The following KIF15 variants were observed in gnomAD, a reference collection of about 807,000 sequenced individuals.
The protein encoded by KIF15 is kinesin family member 15, also known as kinesin-like protein KIF15.
A neutral mutation model predicts 190.6 loss-of-function variants in KIF15; 140 were observed. The ratio of observed to expected loss-of-function variants is 0.73; its 90% CI spans 0.64 to 0.84. The LOEUF is 0.84. KIF15 is among the 40% of genes least tolerant of loss of function. The probability of loss-of-function intolerance (pLI) is 0.00; values close to 1 mark genes in which losing one functional copy is unlikely to be tolerated. For missense variants in KIF15, 1,372 were observed against 1,584.4 expected (o/e 0.87, Z 2.28); for synonymous variants, 528 against 551.3 (o/e 0.96, Z 0.59).
chr3:44,782,028 T>C (rs938640231), intron 5 of KIF15, among the ~76,000 whole-genome samples: 11 of 152,146 alleles, frequency 7.2e-5, no homozygotes, highest in African/African-American at 2.7e-4. Flanking sequence ...TTTACATGGC[T>C]GAATTTGTTT....
At chr3:44,813,788 G>C (rs189276464) in intron 19 of KIF15, among the ~76,000 whole-genome samples, 32 of 152,054 alleles carry the variant, frequency 2.1e-4, no homozygotes, top group Non-Finnish European at 1.5e-5. Flanking sequence ...CACCAAGCCC[G>C]GCTAATTTTA....
intron 31 of KIF15, 82 bp from the exon 32 acceptor site, chr3:44,848,439 T>G: frequency 1.5e-6 from 1 of 667,212 alleles, no homozygotes; most frequent in South Asian, 1.8e-5. Flanking sequence ...GAGAATGGGC[T>G]GGTTCCTTTC....
At chr3:44,864,300 C>T in intron 6 of KIF15, 1 of 1,614,190 alleles carries the variant, frequency 6.2e-7, no homozygotes, top group Non-Finnish European at 8.5e-7. Context: ...ATGTCTTCAG[C>T]CATTGCATCT....
chr3:44,805,243 T>C lies in KIF15; in HGVS notation c.1829+75T>C, dbSNP rs536873650. 1.2e-5 allele frequency: 16 copies of C among 1,377,112 alleles called. No homozygotes were observed. The African/African-American group carries it at 2.0e-4, about 18-fold the overall frequency. 85.3% of individuals were successfully genotyped at this position (1,377,112 alleles called of 1,614,324 possible). On this transcript the variant is annotated intron_variant, in intron 15 of 34. Coordinates refer to ENST00000326047, the MANE Select transcript of KIF15 (RefSeq NM_020242.3). The stretch of plus-strand genomic sequence containing the variant: ...TTTGCTGTAGTGTTAATATCGATAA[T>C]TCAATTGGGCATTTTACTTTAAATA...
intron 19 of KIF15, among the ~76,000 whole-genome samples, chr3:44,814,306 TTTTG>T (rs758245515): frequency 1.3e-4 from 19 of 151,494 alleles, no homozygotes; most frequent in African/African-American, 3.9e-4. Context: ...ATATTAAGAG[TTTTG>T]TTTGTTTGTT....
intron 24 of KIF15, among the ~76,000 whole-genome samples, chr3:44,829,281 C>T (rs1421701471): frequency 3.3e-5 from 5 of 149,448 alleles, no homozygotes; most frequent in African/African-American, 1.2e-4. Context: ...GGCGTGAACC[C>T]GGGAGGCGGA....
At chr3:44,822,374 C>T (rs1575648269) in intron 20 of KIF15, among the ~76,000 whole-genome samples, 1 of 152,226 alleles carries the variant, frequency 6.6e-6, no homozygotes. Flanking sequence ...GAGAGATCCG[C>T]TGTTAGTCTG....
chr3:44,839,265 G>T (rs1246334089), intron 27 of KIF15, among the ~76,000 whole-genome samples: 1 of 151,896 alleles, frequency 6.6e-6, no homozygotes, highest in African/African-American at 2.4e-5. Flanking sequence ...CCAGCTACTC[G>T]GGAAGGCTGA....
intron 8 of KIF15, among the ~76,000 whole-genome samples, chr3:44,795,057 A>G (rs946074293): frequency 2.0e-5 from 3 of 152,172 alleles, no homozygotes; most frequent in African/African-American, 7.2e-5. Flanking sequence ...GTTCCTATTG[A>G]AAAGGAACAG....
intron 6 of KIF15, chr3:44,861,721 T>C: frequency 1.9e-6 from 1 of 535,536 alleles, no homozygotes; most frequent in Non-Finnish European, 3.2e-6. Flanking sequence ...AGCACAAACC[T>C]ACTACAGGTT....
At position 44,800,436 on chromosome 3, in the gene KIF15, AG is replaced by A; in HGVS notation, c.1222+1del. ...CACCACCAGAAAGCTTCCTGACCAG[AG>A]GTAGGATGAGCACACAGTCCTTTAT... is the stretch of plus-strand genomic sequence containing the variant. ...QTPPESFLTR[D>X]KKKTNYMEYF... On this transcript the variant is annotated frameshift_variant and splice_region_variant, in exon 11 of 35. Coordinates refer to ENST00000326047, the MANE Select transcript of KIF15 (RefSeq NM_020242.3). LOFTEE classifies it high-confidence loss of function. The A allele has an allele frequency of 6.2e-7, 1 of 1,613,658 alleles. No homozygotes were observed. Among genetic ancestry groups the A allele is most frequent in the Non-Finnish European group, 8.5e-7 (1 of 1,179,858 alleles).
At position 44,789,345 on chromosome 3, in the gene KIF15, A is replaced by G. The variant is rs534499702; in HGVS notation, c.639+2771A>G. ...ACTTAGAAATGTGATTTTAAATTCC[A>G]AAGCGTGTGAGGATTTCTAACTTAT... On this transcript the variant is annotated intron_variant, in intron 7 of 34. Transcript: ENST00000326047. Among the ~76,000 whole-genome samples the G allele has an allele frequency of 1.1e-4, 17 of 152,098 alleles. No individual in the cohort carries two copies. In the East Asian group the frequency reaches 2.7e-3, roughly 24 times the overall value.
intron 20 of KIF15, among the ~76,000 whole-genome samples, chr3:44,815,896 G>A (rs1708011469): frequency 6.6e-6 from 1 of 152,196 alleles, no homozygotes; most frequent in Non-Finnish European, 1.5e-5. Context: ...CTAGTAGGCA[G>A]CCTTGAGTTT....
At chr3:44,790,282 A>T (rs1010286613) in intron 7 of KIF15, among the ~76,000 whole-genome samples, 8 of 151,832 alleles carry the variant, frequency 5.3e-5, no homozygotes, top group Non-Finnish European at 5.9e-5. Flanking sequence ...GGTTCAAACG[A>T]TTCTTGTGCC....
Position 44,826,019 on chromosome 3 carries a change from A to G in KIF15, c.2550-20A>G, listed in dbSNP as rs770337401. ...CATTAAATGTTTATTTACCATTTTT[A>G]AAATGTTTTCCTTATAAAGGTTAGA... is the stretch of plus-strand genomic sequence containing the variant. On this transcript the variant is annotated intron_variant, in intron 20 of 34. Coordinates refer to ENST00000326047, the MANE Select transcript of KIF15 (RefSeq NM_020242.3). 1.9e-6 allele frequency: 3 copies of G among 1,564,312 alleles called. No homozygotes were observed. The African/African-American group carries it at 4.2e-5, about 22-fold the overall frequency.
chr3:44,829,572 T>TTATATATGTATATATG (rs1159765644), intron 24 of KIF15, among the ~76,000 whole-genome samples: 1 of 112,070 alleles, frequency 8.9e-6, no homozygotes, highest in Non-Finnish European at 1.6e-5. Flanking sequence ...TATGTATATA[T>TTATATATGTATATATG]TATATATGTA....
rs771713771 is a variant in KIF15 at position 44,826,053 on chromosome 3, A to G, written c.2564A>G (p.Lys855Arg). The change falls in exon 21 of 35, where the codon AAG (lysine) becomes AGG (arginine). Residue 855 changes from lysine to arginine, a missense_variant. Transcript: ENST00000326047. ...QLDNLRLENE[K>R]LLESKACLQD... Reference sequence around the variant, plus strand: ...TCCTTATAAAGGTTAGAAAACGAAAAGCTGCTTGAGAGCAAAGCCTGCCTA... The same window carrying G: ...TCCTTATAAAGGTTAGAAAACGAAAGGCTGCTTGAGAGCAAAGCCTGCCTA... 33 of 1,582,636 alleles carry G rather than the reference A, an allele frequency of 2.1e-5. No individual in the cohort carries two copies. The highest frequency in any genetic ancestry group is 1.0e-4 in the Admixed American group (5 of 48,560).
chr3:44,830,727 T>G (rs1236312869), intron 25 of KIF15, among the ~76,000 whole-genome samples, 169 bp from the exon 26 acceptor site: 1 of 152,172 alleles, frequency 6.6e-6, no homozygotes, highest in African/African-American at 2.4e-5. Flanking sequence ...CTTTTCCATT[T>G]CTCTTCACCA....
intron 6 of KIF15, 105 bp from the exon 7 acceptor site, chr3:44,786,290 C>G: frequency 1.2e-6 from 1 of 846,628 alleles, no homozygotes; most frequent in Non-Finnish European, 1.8e-6. Flanking sequence ...AGGATAATAG[C>G]ATAGGAAATT....
Sources: allele counts gnomAD v4.1 joint callset (sites outside exome capture counted in the v4.1 genomes callset), GRCh38; gene constraint gnomAD v4.1.1; transcripts MANE v1.5; gene names NCBI Gene and HGNC (gene_info 2026-07-23, HGNC 2026-07-21).